FBL: variants seen among roughly 807,000 people sequenced by gnomAD.
The protein encoded by FBL is fibrillarin rRNA 2'-O-methyltransferase.
FBL carries 10 observed loss-of-function variants against 42.2 expected under a neutral mutation model. That is an observed-to-expected ratio of 0.24 (90% CI 0.15 to 0.40). The LOEUF is 0.40. Ranked by LOEUF, FBL falls within the 10% of genes least tolerant of loss-of-function variation. The pLI, the probability that FBL is intolerant of heterozygous loss-of-function variation, is 1.00. For synonymous variants in FBL, 165 were observed against 165.4 expected (o/e 1.00, Z 0.02); for missense variants, 351 against 439.2 (o/e 0.80, Z 1.79).
intron 6 of FBL, 61 bp downstream of exon 6, chr19:39,837,650 T>C (rs1339102707): frequency 1.5e-5 from 22 of 1,451,250 alleles, no homozygotes; most frequent in Non-Finnish European, 2.0e-5. Context: ...ATCCACTGGC[T>C]TCTTCCAGAA....
intron 1 of FBL, among the ~76,000 whole-genome samples, chr19:39,843,769 A>AAAAAAT (rs1402367842): frequency 6.6e-6 from 1 of 152,226 alleles, no homozygotes; most frequent in African/African-American, 2.4e-5. Flanking sequence ...TTCTGTATCA[A>AAAAAAT]AAAAATAAAA....
At chr19:39,843,522 C>A (rs1599659950) in intron 1 of FBL, among the ~76,000 whole-genome samples, 1 of 152,246 alleles carries the variant, frequency 6.6e-6, no homozygotes, top group East Asian at 1.9e-4. Context: ...GTAATCCCAG[C>A]ACTTTGGGAG....
chr19:39,842,216 G>A (rs1785666439), intron 1 of FBL, among the ~76,000 whole-genome samples: 1 of 151,830 alleles, frequency 6.6e-6, no homozygotes, highest in African/African-American at 2.4e-5. Context: ...CTCCCCAGTA[G>A]CTGGGACTAC....
Position 39,837,724 on chromosome 19 carries a change from G to A in FBL, c.669C>T (p.Tyr223=). The change falls in exon 6 of 9, where the codon TAC becomes TAT. Residue 223 remains tyrosine (Y), a synonymous_variant. Coordinates refer to ENST00000221801, the MANE Select transcript of FBL (RefSeq NM_001436.4). ...VIEDARHPHK[Y]RMLIAMVDVI... ...CAGACCCCTCACCGATGAGCATGCG[G>A]TATTTGTGTGGGTGTCGAGCATCCT... The A allele has an allele frequency of 6.3e-7, 1 of 1,583,192 alleles. No individual in the cohort carries two copies. Among genetic ancestry groups the A allele is most frequent in the South Asian group, 1.2e-5 (1 of 84,850 alleles).
intron 1 of FBL, among the ~76,000 whole-genome samples, chr19:39,841,062 A>G (rs1969156103): frequency 6.6e-6 from 1 of 152,184 alleles, no homozygotes; most frequent in African/African-American, 2.4e-5. Flanking sequence ...AAATCATAAT[A>G]ATTTTTTTTG....
At chr19:39,843,639 C>T (rs565020767) in intron 1 of FBL, among the ~76,000 whole-genome samples, 24 of 152,232 alleles carry the variant, frequency 1.6e-4, no homozygotes, top group Admixed American at 7.2e-4. Flanking sequence ...GGCGTGGTGG[C>T]GCATGCCTGT....
In FBL at chr19:39,840,792, G is replaced by T. The variant is rs777440937; in HGVS notation, c.11-5C>A. On this transcript the variant is annotated splice_region_variant and splice_polypyrimidine_tract_variant and intron_variant, in intron 1 of 8. Transcript: ENST00000221801. This position sits in a 1 kb window ranked among gnomAD's most constrained non-coding sequence, Gnocchi z 4.5. ...CACCCCCACGGGGACTGAATCCTGT[G>T]GGGGAAACAAAACAGGAGTCAGGGC... 3.9e-6 allele frequency: 6 copies of T among 1,537,360 alleles called. No individual in the cohort carries two copies. Among genetic ancestry groups the T allele is most frequent in the Non-Finnish European group, 4.4e-6 (5 of 1,140,478 alleles).
At chr19:39,845,242 G>A (rs902051760) in intron 1 of FBL, among the ~76,000 whole-genome samples, 2 of 152,144 alleles carry the variant, frequency 1.3e-5, no homozygotes, top group African/African-American at 4.8e-5. Flanking sequence ...AGTGCGGGTT[G>A]GGCAGGCCAG....
rs1365473167 is a variant in FBL, at chr19:39,839,201, C to T, written c.383G>A (p.Gly128Glu). The change falls in exon 5 of 9, where the codon GGA becomes GAA. Residue 128 changes from glycine to glutamate, a missense_variant. Physicochemically the swap from Gly to Glu is moderately conservative, Grantham distance 98. Transcript: ENST00000221801. The part of the protein sequence containing the change: ...YGEKRVSISE[G>E]DDKIEYRAWN... ...GGCTCGGTACTCAATTTTGTCATCTCCTTCCTAGATGAGAGATGGGGACAG... is the reference window on the plus strand; with the variant it reads ...GGCTCGGTACTCAATTTTGTCATCTTCTTCCTAGATGAGAGATGGGGACAG... The T allele has an allele frequency of 6.2e-7, 1 of 1,609,478 alleles. No individual in the cohort carries two copies. The highest frequency in any genetic ancestry group is 1.3e-5 in the African/African-American group (1 of 74,782).
chr19:39,837,546 C>A (rs1969073713), intron 6 of FBL, among the ~76,000 whole-genome samples, 165 bp downstream of exon 6: 1 of 152,144 alleles, frequency 6.6e-6, no homozygotes, highest in Non-Finnish European at 1.5e-5. Context: ...GCCAAGCTGC[C>A]ACCTCCACAA....
At chr19:39,839,858 C>G (rs781713149) in intron 4 of FBL, among the ~76,000 whole-genome samples, 1 of 152,174 alleles carries the variant, frequency 6.6e-6, no homozygotes, top group Non-Finnish European at 1.5e-5. Context: ...ATGCCTTGAC[C>G]CGCAGAGTGG....
At chr19:39,839,323 A>G (rs933537350) in intron 4 of FBL, 118 bp from the exon 5 acceptor site, 1 of 766,688 alleles carries the variant, frequency 1.3e-6, no homozygotes, top group Non-Finnish European at 2.1e-6. Flanking sequence ...AGAACTCAAC[A>G]TGAGTAAAGA....
At position 39,839,163 on chromosome 19, in the gene FBL, G is replaced by C. The variant is rs762884642; in HGVS notation, c.421C>G (p.Arg141Gly). 6.2e-7 allele frequency: 1 copy of C among 1,613,572 alleles called. No homozygotes were observed. The highest frequency in any genetic ancestry group is 8.5e-7 in the Non-Finnish European group (1 of 1,179,758). The change falls in exon 5 of 9, where the codon CGC becomes GGC. Residue 141 changes from arginine (R) to glycine (G), a missense_variant. Coordinates refer to ENST00000221801, the MANE Select transcript of FBL (RefSeq NM_001436.4). ...AGGATTGCTGCTGCTAGCTTGGAGCGGAAGGGGTTCCAGGCTCGGTACTCA... is the reference window on the plus strand; with the variant it reads ...AGGATTGCTGCTGCTAGCTTGGAGCCGAAGGGGTTCCAGGCTCGGTACTCA... ...KIEYRAWNPF[R>G]SKLAAAILGG...
Position 39,840,354 on chromosome 19 carries a change from G to A in FBL, c.284-27C>T. The A allele has an allele frequency of 1.9e-6, 3 of 1,610,402 alleles. No homozygotes were observed. The highest frequency in any genetic ancestry group is 2.2e-5 in the South Asian group (2 of 91,000). ...TGGGTGAGGGGATCAGAGCAGGGGT[G>A]AGGACCCCCAGCCTCTCCCTGCCCC... On this transcript the variant is annotated intron_variant, in intron 3 of 8. Transcript: ENST00000221801. The surrounding 1 kb of genome is among the most constrained non-coding windows in gnomAD (Gnocchi z 4.5).
chr19:39,835,009 A>G (rs1969006435), intron 7 of FBL, among the ~76,000 whole-genome samples, 196 bp from the exon 8 acceptor site: 2 of 152,220 alleles, frequency 1.3e-5, no homozygotes, highest in Admixed American at 1.3e-4. Context: ...TCGAGAGATG[A>G]TTCAGGTCAT....
At chr19:39,836,911 G>A (rs554210947) in intron 6 of FBL, among the ~76,000 whole-genome samples, 3 of 152,338 alleles carry the variant, frequency 2.0e-5, no homozygotes, top group South Asian at 4.1e-4. Flanking sequence ...CCAGCCCTGG[G>A]CCGGGCGTGG....
rs1969105978 is a variant in FBL, at chr19:39,839,059, G to A, written c.525C>T (p.Ser175=). 1 of 1,613,546 alleles carries A rather than the reference G, an allele frequency of 6.2e-7. No individual in the cohort carries two copies. The highest frequency in any genetic ancestry group is 8.5e-7 in the Non-Finnish European group (1 of 1,179,722). ...CCGGACCAACGATGTCAGAGACATGGGAGACCGTGGTGCCCGAGGCAGCCC... is the reference window on the plus strand; with the variant it reads ...CCGGACCAACGATGTCAGAGACATGAGAGACCGTGGTGCCCGAGGCAGCCC... The part of the protein sequence containing the change: ...YLGAASGTTV[S]HVSDIVGPDG... The change falls in exon 5 of 9, where the codon TCC becomes TCT. Residue 175 remains serine, a synonymous_variant. Coordinates refer to ENST00000221801, the MANE Select transcript of FBL (RefSeq NM_001436.4).
Position 39,834,655 on chromosome 19 carries a change from G to A in FBL, c.941+13C>T, listed in dbSNP as rs768395805. On this transcript the variant is annotated intron_variant, in intron 8 of 8. Coordinates refer to ENST00000221801, the MANE Select transcript of FBL (RefSeq NM_001436.4). ...AGATGTCTGTCTTGGTGTATTGCTG[G>A]GCCCCTGCTCACCTGTACACTCCCA... 1 of 1,614,008 alleles carries A rather than the reference G, an allele frequency of 6.2e-7. No homozygotes were observed. Among genetic ancestry groups the A allele is most frequent in the South Asian group, 1.1e-5 (1 of 91,066 alleles).
Position 39,840,840 on chromosome 19 carries a change from C to A in FBL, c.11-53G>T. The A allele has an allele frequency of 6.9e-7, 1 of 1,451,972 alleles. No homozygotes were observed. Among genetic ancestry groups the A allele is most frequent in the East Asian group, 2.5e-5 (1 of 40,214 alleles). The allele number at this position is 1,451,972 out of a possible 1,614,324, so 89.9% of individuals were successfully genotyped here. A position where few individuals can be genotyped will look rare whatever the true frequency, so the allele number is the denominator to read the frequency against. On this transcript the variant is annotated intron_variant, in intron 1 of 8. Transcript: ENST00000221801. This position sits in a 1 kb window ranked among gnomAD's most constrained non-coding sequence, Gnocchi z 4.5. ...GGCAATGAAGCTTAAAAGGTTAAAC[C>A]ACCTTGTACCCAGCAATACCTCTCA...
Sources: allele counts gnomAD v4.1 joint callset (sites outside exome capture counted in the v4.1 genomes callset), GRCh38; gene constraint gnomAD v4.1.1; non-coding constraint Gnocchi (gnomAD v3.1); transcripts MANE v1.5; gene names NCBI Gene and HGNC (gene_info 2026-07-23, HGNC 2026-07-21).